WDPCP: variants seen among roughly 807,000 people sequenced by gnomAD.
The protein encoded by WDPCP is WD repeat containing planar cell polarity effector.
A neutral mutation model predicts 93.1 loss-of-function variants in WDPCP; 71 were observed. The observed-to-expected ratio is 0.76, with a 90% CI of 0.63 to 0.93. The LOEUF is 0.93. WDPCP is among the 40% of genes least tolerant of loss of function. The pLI, the probability that WDPCP is intolerant of heterozygous loss-of-function variation, is 0.00. For synonymous variants in WDPCP, 315 were observed against 315.0 expected (o/e 1.00, Z 0.00); for missense variants, 844 against 887.4 (o/e 0.95, Z 0.62).
At chr2:63,217,054 T>G (rs1471187128) in intron 14 of WDPCP, among the ~76,000 whole-genome samples, 6 of 152,342 alleles carry the variant, frequency 3.9e-5, no homozygotes, top group African/African-American at 1.2e-4. Flanking sequence ...GTACAGTCTA[T>G]AAATCAAGAA....
At chr2:63,725,836 G>A (rs376238561) in intron 2 of WDPCP, among the ~76,000 whole-genome samples, 38 of 152,106 alleles carry the variant, frequency 2.5e-4, no homozygotes, top group African/African-American at 3.6e-4. Context: ...TGTTGGCTGC[G>A]TGTATGCCTT....
At chr2:63,420,545 A>C (rs531393268) in intron 9 of WDPCP, among the ~76,000 whole-genome samples, 1 of 152,004 alleles carries the variant, frequency 6.6e-6, no homozygotes, top group East Asian at 1.9e-4. Context: ...AAAAAAAAAA[A>C]AAAAGAATGA....
At chr2:63,221,379 T>G (rs1677818243) in intron 14 of WDPCP, among the ~76,000 whole-genome samples, 1 of 152,170 alleles carries the variant, frequency 6.6e-6, no homozygotes, top group South Asian at 2.1e-4. Context: ...GGGAAGTTAA[T>G]AGTGGTAGAA....
chr2:63,403,841 T>C (rs1194236209), intron 10 of WDPCP: 5 of 639,594 alleles, frequency 7.8e-6, no homozygotes, highest in Non-Finnish European at 1.3e-5. Flanking sequence ...TGACAATTAG[T>C]GCAATTTACA....
At chr2:63,509,029 C>A (rs755089808) in intron 1 of WDPCP, among the ~76,000 whole-genome samples, 1 of 152,134 alleles carries the variant, frequency 6.6e-6, no homozygotes, top group Non-Finnish European at 1.5e-5. Flanking sequence ...ATCAACAAGA[C>A]AGAAAATTAA....
At position 63,378,479 on chromosome 2, in the gene WDPCP, T is replaced by C. The variant is rs372500548; in HGVS notation, c.1655A>G (p.Tyr552Cys). ...ATCCAGAAGTGGTCTTGTTGGAGCA[T>C]AGAAGGTTCCAAGGCTTGTCTCAAG... ...AQLETSLGTF[Y>C]APTRPLLDST... Residue 552 changes from tyrosine (Y) to cysteine (C), a missense_variant, in exon 12 of 18, where the codon TAT becomes TGT. Transcript: ENST00000272321. 9.9e-6 allele frequency: 16 copies of C among 1,613,108 alleles called. No individual in the cohort carries two copies. The highest frequency in any genetic ancestry group is 6.7e-5 in the African/African-American group (5 of 74,870).
At chr2:63,389,455 A>G (rs1288976162) in intron 10 of WDPCP, among the ~76,000 whole-genome samples, 1 of 152,174 alleles carries the variant, frequency 6.6e-6, no homozygotes, top group Non-Finnish European at 1.5e-5. Flanking sequence ...ATGCCAAATT[A>G]TAAAGACCAT....
chr2:63,178,623 G>A (rs1300073067), intron 14 of WDPCP, among the ~76,000 whole-genome samples: 2 of 151,068 alleles, frequency 1.3e-5, no homozygotes, highest in Non-Finnish European at 3.0e-5. Context: ...CCTAATAATT[G>A]GTCAGTTTTG....
chr2:63,433,609 A>C, intron 9 of WDPCP, 136 bp downstream of exon 9: 1 of 960,264 alleles, frequency 1.0e-6, no homozygotes, highest in Non-Finnish European at 1.5e-6. Flanking sequence ...GGTATCTTCT[A>C]GATATGATAC....
chr2:63,605,020 A>C, intron 3 of WDPCP: 1 of 764,628 alleles, frequency 1.3e-6, no homozygotes, highest in Non-Finnish European at 2.1e-6. Flanking sequence ...GTCATGATCT[A>C]GTGTGATCTG....
chr2:63,313,213 C>G, intron 13 of WDPCP, 35 bp downstream of exon 13: 1 of 1,596,398 alleles, frequency 6.3e-7, no homozygotes, highest in Non-Finnish European at 8.6e-7. Flanking sequence ...AGCCTTAGAA[C>G]TGAAGGCACA....
intron 3 of WDPCP, among the ~76,000 whole-genome samples, chr2:63,632,439 A>T (rs1709874098): frequency 6.6e-6 from 1 of 152,240 alleles, no homozygotes; most frequent in Non-Finnish European, 1.5e-5. Flanking sequence ...GAAGTTCAGT[A>T]AGCTATACCA....
intron 3 of WDPCP, chr2:63,598,163 C>G (rs1709353399): frequency 6.6e-6 from 1 of 152,046 alleles, no homozygotes; most frequent in East Asian, 1.9e-4. Flanking sequence ...GAGTCTTGCT[C>G]TGTCACCCAG....
chr2:63,166,147 A>G (rs780135798), intron 15 of WDPCP, among the ~76,000 whole-genome samples: 8 of 149,304 alleles, frequency 5.4e-5, no homozygotes, highest in Admixed American at 1.3e-4. Flanking sequence ...CCTCAGTGCA[A>G]CCTCCGCCTC....
At chr2:63,810,475 A>C (rs1670848302) in intron 2 of WDPCP, among the ~76,000 whole-genome samples, 2 of 152,232 alleles carry the variant, frequency 1.3e-5, no homozygotes, top group South Asian at 4.1e-4. Flanking sequence ...ATAATACTTC[A>C]GTAGATGTCT....
At chr2:63,221,527 A>G (rs1320416349) in intron 14 of WDPCP, among the ~76,000 whole-genome samples, 1 of 152,226 alleles carries the variant, frequency 6.6e-6, no homozygotes, top group African/African-American at 2.4e-5. Flanking sequence ...TATAACATCC[A>G]TAGCAACAGT....
At chr2:63,761,657 G>T (rs1203294740) in intron 2 of WDPCP, among the ~76,000 whole-genome samples, 2 of 152,136 alleles carry the variant, frequency 1.3e-5, no homozygotes, top group Non-Finnish European at 2.9e-5. Context: ...GGTTAGGGCA[G>T]TCTCTCTTTT....
intron 13 of WDPCP, among the ~76,000 whole-genome samples, chr2:63,280,946 G>A (rs2104932515): frequency 6.6e-6 from 1 of 152,132 alleles, no homozygotes; most frequent in Admixed American, 6.5e-5. Flanking sequence ...CAACCCAAAA[G>A]CAAATGAAAC....
At chr2:63,558,659 C>T (rs7571017) in intron 1 of WDPCP, among the ~76,000 whole-genome samples, 122,103 of 151,932 alleles carry the variant, frequency 0.8, 49,724 homozygotes, top group East Asian at 0.98. Flanking sequence ...AACACCTCTA[C>T]GCAAATAAAC....
Sources: gnomAD v4.1 joint callset for allele counts (sites outside exome capture counted in the v4.1 genomes callset) on GRCh38, gnomAD v4.1.1 for gene constraint, MANE v1.5 for transcripts, NCBI Gene and HGNC (gene_info 2026-07-23, HGNC 2026-07-21) for gene names.